The following TSHZ2 variants were observed in gnomAD, a reference collection of about 807,000 sequenced individuals.
The protein encoded by TSHZ2 is teashirt zinc finger homeobox 2, also known as teashirt homolog 2.
TSHZ2 carries 21 observed loss-of-function variants against 74.4 expected under a neutral mutation model. That is an observed-to-expected ratio of 0.28 (90% CI 0.20 to 0.41). The LOEUF (loss-of-function observed/expected upper bound fraction) is 0.41. Ranked by LOEUF, TSHZ2 falls within the 10% of genes least tolerant of loss-of-function variation. The pLI is 1.00. For missense variants in TSHZ2, 1,244 were observed against 1,293.5 expected, an observed-to-expected ratio of 0.96 and a Z score of 0.59; for synonymous variants, 540 against 515.3, an observed-to-expected ratio of 1.05 and a Z score of -0.65.
chr20:53,379,363 C>T (rs562845040), intron 2 of TSHZ2, among the ~76,000 whole-genome samples: 2 of 152,250 alleles, frequency 1.3e-5, no homozygotes, highest in South Asian at 4.2e-4. Context: ...GCCTGGGTGA[C>T]AGAGTGAAAC....
At chr20:53,447,496 GA>G (rs1175395493) in intron 2 of TSHZ2, among the ~76,000 whole-genome samples, 3 of 152,158 alleles carry the variant, frequency 2.0e-5, no homozygotes, top group African/African-American at 7.2e-5. Flanking sequence ...TCACAAGCAG[GA>G]AATTAACACT....
chr20:53,294,312 A>T (rs1292455215), intron 2 of TSHZ2, among the ~76,000 whole-genome samples: 2 of 152,206 alleles, frequency 1.3e-5, no homozygotes, highest in Non-Finnish European at 2.9e-5. Flanking sequence ...GGCTTGATTT[A>T]CTAGTTGAGA....
intron 2 of TSHZ2, among the ~76,000 whole-genome samples, chr20:53,380,958 A>G (rs1434132233): frequency 6.6e-6 from 1 of 152,244 alleles, no homozygotes; most frequent in Non-Finnish European, 1.5e-5. Context: ...TGCTGGTCTC[A>G]TCAATTCAGA....
chr20:53,164,142 T>C (rs1988012550), intron 1 of TSHZ2, among the ~76,000 whole-genome samples: 1 of 152,160 alleles, frequency 6.6e-6, no homozygotes, highest in Non-Finnish European at 1.5e-5. Flanking sequence ...TCTATTTTTT[T>C]TTTAGCTATT....
intron 2 of TSHZ2, among the ~76,000 whole-genome samples, chr20:53,355,080 G>T (rs992442852): frequency 6.6e-6 from 1 of 152,220 alleles, no homozygotes; most frequent in South Asian, 2.1e-4. Context: ...ATTGCCTAGA[G>T]TATACCCAAC....
rs890244987 is a variant in TSHZ2, at chr20:53,186,680, C to G, written c.41-66819C>G. Among the ~76,000 whole-genome samples, 19 of 152,286 alleles carry G rather than the reference C, an allele frequency of 1.2e-4. 1 individual carries two copies. Among genetic ancestry groups the G allele is most frequent in the Middle Eastern group, 3.4e-3 (1 of 294 alleles). On this transcript the variant is annotated intron_variant, in intron 1 of 2. Coordinates refer to ENST00000371497, the MANE Select transcript of TSHZ2 (RefSeq NM_173485.6). ...CCTGCAGGCATTCATCACACCACCT[C>G]TCCTCTCTGCCACCCGCCTTTGCTT...
intron 2 of TSHZ2, among the ~76,000 whole-genome samples, chr20:53,289,101 A>G (rs1468468029): frequency 6.6e-6 from 1 of 152,218 alleles, no homozygotes; most frequent in African/African-American, 2.4e-5. Flanking sequence ...GTCACTTAGA[A>G]TAATGGTCTC....
At position 53,493,463 on chromosome 20, in the gene TSHZ2, T is replaced by C. The variant is rs994877591; in HGVS notation, c.*6328T>C. 6.6e-6 allele frequency: 1 copy of C among 152,226 alleles called. No homozygotes were observed. Among genetic ancestry groups the C allele is most frequent in the African/African-American group, 2.4e-5 (1 of 41,460 alleles). 9.4% of individuals were successfully genotyped at this position (152,226 alleles called of 1,614,324 possible). A position where few individuals can be genotyped will look rare whatever the true frequency, so the allele number is the denominator to read the frequency against. On this transcript the variant is annotated 3_prime_UTR_variant, in exon 3 of 3. Coordinates refer to ENST00000371497, the MANE Select transcript of TSHZ2 (RefSeq NM_173485.6). ...ATTCTCTTTGTATTTTATCTAATAG[T>C]GCCTGAAAATTTTTTTAATGTCTTC... is the stretch of plus-strand genomic sequence containing the variant.
chr20:53,392,421 G>A (rs1982290043), intron 2 of TSHZ2, among the ~76,000 whole-genome samples: 1 of 152,182 alleles, frequency 6.6e-6, no homozygotes, highest in East Asian at 1.9e-4. Flanking sequence ...TCCAGCCTGG[G>A]CAACAGAGCG....
intron 1 of TSHZ2, chr20:53,178,397 A>G (rs1381641838): frequency 6.6e-6 from 1 of 152,244 alleles, no homozygotes; most frequent in African/African-American, 2.4e-5. Context: ...AGCTAATCAC[A>G]TGAGGCATCA....
At chr20:53,171,274 T>G (rs1988194438) in intron 1 of TSHZ2, among the ~76,000 whole-genome samples, 1 of 152,250 alleles carries the variant, frequency 6.6e-6, no homozygotes, top group African/African-American at 2.4e-5. Flanking sequence ...ACAGCACATT[T>G]GCTTTATGGC....
At chr20:53,286,389 A>G (rs1025122613) in intron 2 of TSHZ2, among the ~76,000 whole-genome samples, 2 of 152,256 alleles carry the variant, frequency 1.3e-5, no homozygotes, top group Non-Finnish European at 2.9e-5. Flanking sequence ...GATGAGGAAA[A>G]GAGTTCTCAA....
intron 1 of TSHZ2, among the ~76,000 whole-genome samples, chr20:53,169,827 A>G (rs1470744872): frequency 6.6e-6 from 1 of 152,216 alleles, no homozygotes; most frequent in Non-Finnish European, 1.5e-5. Context: ...GTATGTGCCT[A>G]TATATACATT....
chr20:53,027,130 CTGAA>C (rs1600653257), intron 1 of TSHZ2, among the ~76,000 whole-genome samples: 2 of 151,960 alleles, frequency 1.3e-5, no homozygotes, highest in East Asian at 3.9e-4. Context: ...AAAATTGCAG[CTGAA>C]TATTTGAATA....
intron 2 of TSHZ2, among the ~76,000 whole-genome samples, chr20:53,452,016 T>C (rs1427729622): frequency 6.6e-6 from 1 of 152,190 alleles, no homozygotes. Flanking sequence ...AAGGTTCAAA[T>C]TATAGTCAAG....
intron 2 of TSHZ2, among the ~76,000 whole-genome samples, chr20:53,367,780 C>A (rs1313479055): frequency 1.3e-5 from 2 of 151,986 alleles, no homozygotes; most frequent in African/African-American, 2.4e-5. Flanking sequence ...ATCGTGTTAG[C>A]CAGGATGGTC....
intron 1 of TSHZ2, among the ~76,000 whole-genome samples, chr20:53,058,120 C>G (rs186478178): frequency 1.3e-5 from 2 of 152,186 alleles, no homozygotes; most frequent in Admixed American, 1.3e-4. Context: ...GGGTTTAGGC[C>G]CTTGAGAGAA....
chr20:53,039,583 TA>T (rs1388779324), intron 1 of TSHZ2, among the ~76,000 whole-genome samples: 6 of 152,186 alleles, frequency 3.9e-5, no homozygotes, highest in Non-Finnish European at 7.4e-5. Context: ...AAAGAGTGAA[TA>T]GTTGGTCAAC....
intron 2 of TSHZ2, among the ~76,000 whole-genome samples, chr20:53,307,250 C>A (rs960377717): frequency 2.6e-5 from 4 of 152,168 alleles, no homozygotes; most frequent in Non-Finnish European, 5.9e-5. Flanking sequence ...GAACACTGAC[C>A]ACTTCCCTTC....
Sources: gnomAD v4.1 joint callset for allele counts (sites outside exome capture counted in the v4.1 genomes callset) on GRCh38, gnomAD v4.1.1 for gene constraint, MANE v1.5 for transcripts, NCBI Gene and HGNC (gene_info 2026-07-23, HGNC 2026-07-21) for gene names.